Variants in PIK3C2A observed in about 807,000 individuals in gnomAD.
The protein encoded by PIK3C2A is phosphatidylinositol-4-phosphate 3-kinase catalytic subunit type 2 alpha.
Under a neutral mutation model 204.5 loss-of-function variants are expected in PIK3C2A, and 97 were observed. That is an observed-to-expected ratio of 0.47 (90% CI 0.40 to 0.56). The LOEUF (loss-of-function observed/expected upper bound fraction) is 0.56, where lower values mean the gene tolerates loss of function less well. PIK3C2A is among the 20% of genes least tolerant of loss of function. The probability of loss-of-function intolerance (pLI) is 0.00; values close to 1 mark genes in which losing one functional copy is unlikely to be tolerated. For missense variants in PIK3C2A, 1,735 were observed against 1,969.2 expected, an observed-to-expected ratio of 0.88 and a Z score of 2.25; for synonymous variants, 653 against 664.4, an observed-to-expected ratio of 0.98 and a Z score of 0.26.
chr11:17,172,338 C>T (rs1464461056), intron 1 of PIK3C2A, among the ~76,000 whole-genome samples: 1 of 152,182 alleles, frequency 6.6e-6, no homozygotes, highest in Non-Finnish European at 1.5e-5. Flanking sequence ...AATGCAGCCA[C>T]TGCTATGTGA....
chr11:17,161,008 T>C (rs1257934329), intron 2 of PIK3C2A, among the ~76,000 whole-genome samples: 1 of 152,088 alleles, frequency 6.6e-6, no homozygotes, highest in East Asian at 1.9e-4. Flanking sequence ...TTGACCTCAA[T>C]TTAAAAGAAA....
At chr11:17,150,144 T>C (rs1484826505) in intron 4 of PIK3C2A, among the ~76,000 whole-genome samples, 2 of 152,180 alleles carry the variant, frequency 1.3e-5, no homozygotes, top group Non-Finnish European at 2.9e-5. Flanking sequence ...CAGAAGAACT[T>C]AGCAAGATAT....
At chr11:17,152,423 T>C (rs1256984771) in intron 3 of PIK3C2A, among the ~76,000 whole-genome samples, 1 of 152,092 alleles carries the variant, frequency 6.6e-6, no homozygotes, top group Non-Finnish European at 1.5e-5. Flanking sequence ...CAATTGAGGT[T>C]TTTTTGTGGG....
Position 17,113,992 on chromosome 11 carries a change from A to G in PIK3C2A, c.3321+369T>C, listed in dbSNP as rs1849086031. Among the ~76,000 whole-genome samples, 3 of 152,126 alleles carry G rather than the reference A, an allele frequency of 2.0e-5. No individual in the cohort carries two copies. In the South Asian group the frequency reaches 6.2e-4, roughly 32 times the overall value. On this transcript the variant is annotated intron_variant, in intron 20 of 32. Coordinates refer to ENST00000691414, the MANE Select transcript of PIK3C2A (RefSeq NM_002645.4). ...CTACTCAGGAGGATGAGGCAGGAGAATCGCTTGAACTTGGGAGGTGGAGGT... is the reference window on the plus strand; with the variant it reads ...CTACTCAGGAGGATGAGGCAGGAGAGTCGCTTGAACTTGGGAGGTGGAGGT...
At chr11:17,106,325 T>C (rs888128405) in intron 22 of PIK3C2A, among the ~76,000 whole-genome samples, 3 of 151,722 alleles carry the variant, frequency 2.0e-5, no homozygotes, top group Admixed American at 2.0e-4. Flanking sequence ...TGCATGAGAA[T>C]TACTTGAACC....
intron 14 of PIK3C2A, 72 bp from the exon 15 acceptor site, chr11:17,122,405 A>C: frequency 2.1e-6 from 2 of 935,742 alleles, no homozygotes; most frequent in Non-Finnish European, 3.3e-6. Flanking sequence ...TGTCTTTAAG[A>C]AAACAGATTT....
chr11:17,206,215 C>T (rs214900), intron 1 of PIK3C2A, among the ~76,000 whole-genome samples: 87,703 of 152,024 alleles, frequency 0.58, 25,582 homozygotes, highest in East Asian at 0.82. Context: ...TAGCAAGACA[C>T]TTTGATAAGA....
chr11:17,195,415 GA>G (rs568646019), intron 1 of PIK3C2A, among the ~76,000 whole-genome samples: 1,954 of 136,984 alleles, frequency 0.014, 16 homozygotes, highest in Non-Finnish European at 0.023. Context: ...CTGTCTCAAA[GA>G]AAAAAAAAAA....
intron 1 of PIK3C2A, among the ~76,000 whole-genome samples, chr11:17,186,373 A>G (rs1447681823): frequency 6.6e-6 from 1 of 152,106 alleles, no homozygotes; most frequent in East Asian, 1.9e-4. Context: ...CCTCTAGGCT[A>G]TAAATTCCAT....
Position 17,096,835 on chromosome 11 carries a change from C to T in PIK3C2A, c.4326+222G>A, listed in dbSNP as rs185227957. Among the ~76,000 whole-genome samples, 702 of 152,298 alleles carry T rather than the reference C, an allele frequency of 4.6e-3. 10 individuals are homozygous for T. The highest frequency in any genetic ancestry group is 0.016 in the African/African-American group (667 of 41,558). On this transcript the variant is annotated intron_variant, in intron 27 of 32. Coordinates refer to ENST00000691414, the MANE Select transcript of PIK3C2A (RefSeq NM_002645.4). ...GATTAAATTTGTTACAACAAGCACA[C>T]TTTACCACTCGGTCCTTATTGTTTG... is the stretch of plus-strand genomic sequence containing the variant.
intron 1 of PIK3C2A, among the ~76,000 whole-genome samples, chr11:17,175,460 C>T (rs1320625679): frequency 2.6e-5 from 4 of 152,166 alleles, no homozygotes; most frequent in East Asian, 1.9e-4. Context: ...CATTGACATG[C>T]TCCATTAATT....
At position 17,188,785 on chromosome 11, in the gene PIK3C2A, T is replaced by A. The variant is rs574038452; in HGVS notation, c.-65-18979A>T. Among the ~76,000 whole-genome samples the A allele has an allele frequency of 9.5e-5, 14 of 147,108 alleles. No individual in the cohort carries two copies. The South Asian group carries it at 2.7e-3, about 28-fold the overall frequency. On this transcript the variant is annotated intron_variant, in intron 1 of 32. Transcript: ENST00000691414. ...GCCTCCCTGAAGTACAAGGCAGTTATCTTCCAAAGGAGGATTGGCAAGTGG... is the reference window on the plus strand; with the variant it reads ...GCCTCCCTGAAGTACAAGGCAGTTAACTTCCAAAGGAGGATTGGCAAGTGG...
chr11:17,163,472 T>C (rs1850848249), intron 2 of PIK3C2A, among the ~76,000 whole-genome samples: 1 of 152,210 alleles, frequency 6.6e-6, no homozygotes, highest in South Asian at 2.1e-4. Flanking sequence ...CTTATCATCA[T>C]AGCTCATTGC....
chr11:17,136,157 G>A (rs1283189307), intron 9 of PIK3C2A, among the ~76,000 whole-genome samples: 3 of 152,132 alleles, frequency 2.0e-5, no homozygotes, highest in Non-Finnish European at 2.9e-5. Flanking sequence ...CACCCCAAGG[G>A]AGAAGTGATA....
rs377417174 is a variant in PIK3C2A at position 17,092,149 on chromosome 11, G to A, written c.4569+10C>T. 5.3e-6 allele frequency: 8 copies of A among 1,509,852 alleles called. No homozygotes were observed. Among genetic ancestry groups the A allele is most frequent in the Non-Finnish European group, 6.4e-6 (7 of 1,085,366 alleles). The allele number at this position is 1,509,852 out of a possible 1,614,324, so 93.5% of individuals were successfully genotyped here. The stretch of plus-strand genomic sequence containing the variant: ...ATAAGATGTTATTACTTCTCATTTA[G>A]TAAGGTTACCTCTGCTACATCCGTT... On this transcript the variant is annotated intron_variant, in intron 29 of 32. Transcript: ENST00000691414.
intron 28 of PIK3C2A, among the ~76,000 whole-genome samples, chr11:17,093,978 T>C (rs997888811): frequency 2.0e-5 from 3 of 152,140 alleles, no homozygotes; most frequent in Admixed American, 2.0e-4. Flanking sequence ...CAAATTATTA[T>C]CTTGTGTTGC....
chr11:17,172,501 C>T (rs1397292847), intron 1 of PIK3C2A, among the ~76,000 whole-genome samples: 5 of 152,194 alleles, frequency 3.3e-5, no homozygotes, highest in Non-Finnish European at 7.3e-5. Flanking sequence ...AATCACCAAG[C>T]TGAGCTAAAG....
At chr11:17,139,082 A>AT (rs755507860) in intron 8 of PIK3C2A, among the ~76,000 whole-genome samples, 38 of 151,434 alleles carry the variant, frequency 2.5e-4, no homozygotes, top group Middle Eastern at 3.4e-3. Flanking sequence ...TAATTTTTGT[A>AT]TTTTTTTTAA....
At chr11:17,153,813 C>T (rs1488988668) in intron 3 of PIK3C2A, among the ~76,000 whole-genome samples, 1 of 152,190 alleles carries the variant, frequency 6.6e-6, no homozygotes, top group Non-Finnish European at 1.5e-5. Flanking sequence ...AACTGGCTCT[C>T]TAATTAAAAG....
Sources: gnomAD v4.1 joint callset for allele counts (sites outside exome capture counted in the v4.1 genomes callset) on GRCh38, gnomAD v4.1.1 for gene constraint, MANE v1.5 for transcripts, NCBI Gene and HGNC (gene_info 2026-07-23, HGNC 2026-07-21) for gene names.